The following NCBP1 variants were observed in gnomAD, a reference collection of about 807,000 sequenced individuals.
NCBP1 encodes nuclear cap binding protein subunit 1, also known as nuclear cap-binding protein subunit 1.
In NCBP1, 16 loss-of-function variants were observed where a neutral mutation model predicts 111.7. That is an observed-to-expected ratio of 0.14 (90% CI 0.10 to 0.22). NCBP1 has a LOEUF of 0.22. Among genes scored for constraint, NCBP1 ranks in the 10% least tolerant of loss-of-function variants. The pLI, the probability that NCBP1 is intolerant of heterozygous loss-of-function variation, is 1.00. For synonymous variants in NCBP1, 304 were observed against 314.3 expected, an observed-to-expected ratio of 0.97 and a Z score of 0.35; for missense variants, 607 against 957.5, an observed-to-expected ratio of 0.63 and a Z score of 4.83.
intron 22 of NCBP1, chr9:97,670,105 T>C (rs1828141201): frequency 9.1e-6 from 3 of 327,874 alleles, no homozygotes; most frequent in South Asian, 7.8e-5. Flanking sequence ...GTATTTTTAG[T>C]AGGGACAGAG....
intron 1 of NCBP1, among the ~76,000 whole-genome samples, chr9:97,634,167 C>A (rs182828719): frequency 6.6e-6 from 1 of 152,224 alleles, no homozygotes; most frequent in Non-Finnish European, 1.5e-5. Context: ...TGGGTAGACC[C>A]TTGGTCTCTA....
intron 1 of NCBP1, among the ~76,000 whole-genome samples, chr9:97,638,823 A>G (rs116979588): frequency 0.014 from 2,134 of 152,258 alleles, 103 homozygotes; most frequent in East Asian, 0.13. Flanking sequence ...TTTGACTACT[A>G]AAAATGTCTC....
At chr9:97,641,759 G>T in intron 3 of NCBP1, 97 bp downstream of exon 3, 1 of 1,205,508 alleles carries the variant, frequency 8.3e-7, no homozygotes, top group South Asian at 2.4e-5. Flanking sequence ...TGTTCTATAT[G>T]TCCTTGGCTT....
chr9:97,634,550 GAGTT>G (rs1398990335), intron 1 of NCBP1: 3 of 152,208 alleles, frequency 2.0e-5, no homozygotes, highest in African/African-American at 7.2e-5. Context: ...GCCTCTGAGA[GAGTT>G]AGAACAGGGG....
At chr9:97,660,574 G>T (rs922072441) in intron 15 of NCBP1, among the ~76,000 whole-genome samples, 1 of 152,210 alleles carries the variant, frequency 6.6e-6, no homozygotes, top group Non-Finnish European at 1.5e-5. Flanking sequence ...TGAAAGAGAA[G>T]TACGTTGGTT....
chr9:97,650,540 T>G lies in NCBP1; in HGVS notation c.935T>G (p.Phe312Cys), dbSNP rs1363313647. ...CCAGGGAGTCATTCAGTGGAAAGAT[T>G]TGTAATAGAAGAGAATCTTCACTGC... ...VMPGSHSVER[F>C]VIEENLHCII... Residue 312 changes from phenylalanine (F) to cysteine (C), a missense_variant, in exon 9 of 23, where the codon TTT becomes TGT. Physicochemically the swap from Phe to Cys is radical, Grantham distance 205. Around this residue, in one of 9 missense-constraint regions of NCBP1, gnomAD observed 53 missense variants for 144.8 expected, o/e 0.37. Transcript: ENST00000375147. 10 of 1,613,592 alleles carry G rather than the reference T, an allele frequency of 6.2e-6. No individual in the cohort carries two copies. The highest frequency in any genetic ancestry group is 8.5e-6 in the Non-Finnish European group (10 of 1,179,650).
chr9:97,635,411 TCCC>T (rs939838145), intron 1 of NCBP1, among the ~76,000 whole-genome samples: 2 of 136,170 alleles, frequency 1.5e-5, no homozygotes, highest in African/African-American at 5.6e-5. Flanking sequence ...TACAATTCCC[TCCC>T]TTTTTTTTTT....
At chr9:97,658,563 C>A in intron 14 of NCBP1, 77 bp from the exon 15 acceptor site, 3 of 1,104,424 alleles carry the variant, frequency 2.7e-6, no homozygotes, top group Non-Finnish European at 4.1e-6. Context: ...GAGATCATGA[C>A]TTTCCAGGTA....
At chr9:97,654,740 AAAAC>A (rs1363283865) in intron 11 of NCBP1, 136 bp from the exon 12 acceptor site, 2 of 784,024 alleles carry the variant, frequency 2.6e-6, no homozygotes, top group African/African-American at 3.5e-5. Context: ...AGAAAAAACA[AAAAC>A]AAGATTGATT....
In NCBP1 at chr9:97,656,057, G is replaced by A. The variant is rs1827643876; in HGVS notation, c.1345G>A (p.Val449Ile). Residue 449 changes from valine to isoleucine, a missense_variant, in exon 14 of 23, where the codon GTA (valine) becomes ATA (isoleucine). Physicochemically the swap from Val to Ile is conservative, Grantham distance 29. Coordinates refer to ENST00000375147, the MANE Select transcript of NCBP1 (RefSeq NM_002486.5). The stretch of plus-strand genomic sequence containing the variant: ...TCCTGAAAGTCCCAAACCGAAGTTT[G>A]TAAGAGAAGTTCTAGAAAAATGTAT... Reference protein sequence around the residue: ...QDPESPKPKFVREVLEKCMRL... With the variant: ...QDPESPKPKFIREVLEKCMRL... The A allele has an allele frequency of 6.2e-7, 1 of 1,614,004 alleles. No individual in the cohort carries two copies.
At chr9:97,668,745 T>A (rs894377286) in intron 20 of NCBP1, 101 bp from the exon 21 acceptor site, 1 of 1,324,206 alleles carries the variant, frequency 7.6e-7, no homozygotes, top group African/African-American at 1.5e-5. Context: ...AGAATATAAG[T>A]CTTAACATTT....
intron 7 of NCBP1, 26 bp downstream of exon 7, chr9:97,647,587 TACAA>T (rs1564020703): frequency 6.4e-7 from 1 of 1,559,024 alleles, no homozygotes; most frequent in Non-Finnish European, 8.8e-7. Flanking sequence ...TCCCTTGTGA[TACAA>T]ACACAGTCAG....
In NCBP1 at chr9:97,651,340, G is replaced by A. The variant is rs142470563; in HGVS notation, c.1026G>A (p.Lys342=). Reference sequence around the variant, plus strand: ...CACAGTTAGTGAGCTATCCAGGGAAGAACAAGATCCCCTTGAACTACCACA... The same window carrying A: ...CACAGTTAGTGAGCTATCCAGGGAAAAACAAGATCCCCTTGAACTACCACA... The part of the protein sequence containing the change: ...CAAQLVSYPG[K]NKIPLNYHIV... The change falls in exon 10 of 23, where the codon AAG becomes AAA. Residue 342 remains lysine, a synonymous_variant. Coordinates refer to ENST00000375147, the MANE Select transcript of NCBP1 (RefSeq NM_002486.5). 1 of 1,613,310 alleles carries A rather than the reference G, an allele frequency of 6.2e-7. No homozygotes were observed. The highest frequency in any genetic ancestry group is 1.3e-5 in the African/African-American group (1 of 74,908).
intron 10 of NCBP1, 110 bp downstream of exon 10, chr9:97,651,483 T>C (rs1737723943): frequency 1.0e-6 from 1 of 975,514 alleles, no homozygotes; most frequent in Admixed American, 3.1e-5. Flanking sequence ...TTGCTACTTG[T>C]CCAGCATTCA....
At chr9:97,667,481 TAGAC>T (rs1348118600) in intron 20 of NCBP1, among the ~76,000 whole-genome samples, 1 of 152,224 alleles carries the variant, frequency 6.6e-6, no homozygotes, top group African/African-American at 2.4e-5. Context: ...AGTCTCCATG[TAGAC>T]ATACCTGTAT....
intron 22 of NCBP1, 113 bp from the exon 23 acceptor site, chr9:97,670,973 C>T: frequency 3.5e-5 from 20 of 569,156 alleles, no homozygotes; most frequent in South Asian, 1.6e-4. Flanking sequence ...ACTTTTTTTT[C>T]CCCTTCCTCT....
chr9:97,647,640 C>G, intron 7 of NCBP1, 79 bp downstream of exon 7: 2 of 1,228,658 alleles, frequency 1.6e-6, no homozygotes, highest in Non-Finnish European at 2.4e-6. Context: ...ATACTCAGAC[C>G]ATTCCATTTT....
chr9:97,662,936 TCCCATCA>T lies in NCBP1; in HGVS notation c.1704-17_1704-11del. 2.5e-6 allele frequency: 4 copies of T among 1,568,652 alleles called. No individual in the cohort carries two copies. Among genetic ancestry groups the T allele is most frequent in the Admixed American group, 3.6e-5 (2 of 55,244 alleles). On this transcript the variant is annotated splice_polypyrimidine_tract_variant and intron_variant, in intron 17 of 22. Coordinates refer to ENST00000375147, the MANE Select transcript of NCBP1 (RefSeq NM_002486.5). Reference sequence around the variant, plus strand: ...TGAATAAGTATATATGGTATTTTTTTCCCATCATTATCAAAAGGTTTCATGAAGTCTT... The same window carrying T: ...TGAATAAGTATATATGGTATTTTTTTTTATCAAAAGGTTTCATGAAGTCTT...
intron 11 of NCBP1, among the ~76,000 whole-genome samples, chr9:97,654,541 C>G (rs1298401614): frequency 1.3e-5 from 2 of 149,878 alleles, no homozygotes; most frequent in African/African-American, 5.0e-5. Flanking sequence ...TTGCTTGTTG[C>G]AGGGTTGCCA....
Sources: gnomAD v4.1 joint callset for allele counts (sites outside exome capture counted in the v4.1 genomes callset) on GRCh38, gnomAD v4.1.1 for gene constraint, gnomAD v4.1.1 regional missense constraint, MANE v1.5 for transcripts, NCBI Gene and HGNC (gene_info 2026-07-23, HGNC 2026-07-21) for gene names.